PCDHA4: variants seen among roughly 807,000 people sequenced by gnomAD.
The protein encoded by PCDHA4 is protocadherin alpha 4, also known as protocadherin alpha-4.
In PCDHA4, 49 loss-of-function variants were observed where a neutral mutation model predicts 61.4. The observed-to-expected ratio is 0.80, with a 90% CI of 0.63 to 1.01. The LOEUF (loss-of-function observed/expected upper bound fraction) is 1.01. PCDHA4 is among the 50% of genes least tolerant of loss of function. PCDHA4 has a pLI of 0.00. For missense variants in PCDHA4, 1,254 were observed against 1,235.8 expected, an observed-to-expected ratio of 1.01 and a Z score of -0.22; for synonymous variants, 590 against 550.3, an observed-to-expected ratio of 1.07 and a Z score of -1.01.
chr5:140,884,797 T>A, intron 1 of PCDHA4: 1 of 1,276,990 alleles, frequency 7.8e-7, no homozygotes, highest in Non-Finnish European at 1.1e-6. Flanking sequence ...TTATCGAATT[T>A]AACAACTCTG....
chr5:140,822,345 T>C, intron 1 of PCDHA4: 1 of 1,614,154 alleles, frequency 6.2e-7, no homozygotes, highest in Non-Finnish European at 8.5e-7. Flanking sequence ...AAACGAACTT[T>C]TTAGAGCTGG....
At chr5:140,937,981 T>TA (rs1554211927) in intron 1 of PCDHA4, among the ~76,000 whole-genome samples, 2 of 152,254 alleles carry the variant, frequency 1.3e-5, no homozygotes, top group Non-Finnish European at 2.9e-5. Flanking sequence ...ATACTGATTT[T>TA]ATGTTAACTT....
At position 140,842,101 on chromosome 5, in the gene PCDHA4, A is replaced by G; in HGVS notation, c.2385+32529A>G. 6.2e-7 allele frequency: 1 copy of G among 1,613,930 alleles called. No individual in the cohort carries two copies. The highest frequency in any genetic ancestry group is 8.5e-7 in the Non-Finnish European group (1 of 1,179,886). ...TCGAAAACGCAGACAACGGAACAAC[A>G]GTTATCAAACTGAATGCTTCTGATC... is the stretch of plus-strand genomic sequence containing the variant. On this transcript the variant is annotated intron_variant, in intron 1 of 3. Coordinates refer to ENST00000530339, the MANE Select transcript of PCDHA4 (RefSeq NM_018907.4).
At chr5:140,911,066 A>C (rs1166409987) in intron 1 of PCDHA4, among the ~76,000 whole-genome samples, 1 of 152,042 alleles carries the variant, frequency 6.6e-6, no homozygotes, top group Non-Finnish European at 1.5e-5. Flanking sequence ...GTGGGTCCTG[A>C]GGAGAATCAA....
chr5:140,852,752 C>T (rs2042460960), intron 1 of PCDHA4: 1 of 983,598 alleles, frequency 1.0e-6, no homozygotes, highest in Non-Finnish European at 1.2e-6. Context: ...TAAACTTGGA[C>T]CCAGGTATCT....
intron 1 of PCDHA4, chr5:140,842,749 G>A: frequency 1.9e-6 from 3 of 1,595,014 alleles, no homozygotes; most frequent in Non-Finnish European, 1.7e-6. Flanking sequence ...ACATCTTCAC[G>A]GTGTCTGCGC....
Position 140,928,935 on chromosome 5 carries a change from C to G in PCDHA4, c.2386-50014C>G, listed in dbSNP as rs782430427. On this transcript the variant is annotated intron_variant, in intron 1 of 3. Transcript: ENST00000530339. ...CAGGAGGGCAGCTTTCTGCCCAGAA[C>G]TTGTATTTAGTAATTGCCTTGGCTT... The G allele has an allele frequency of 2.5e-6, 4 of 1,613,984 alleles. No individual in the cohort carries two copies. The East Asian group carries it at 8.9e-5, about 36-fold the overall frequency.
chr5:140,877,807 T>C, intron 1 of PCDHA4: 1 of 1,611,556 alleles, frequency 6.2e-7, no homozygotes, highest in Non-Finnish European at 8.5e-7. Context: ...CCTTCAGCTG[T>C]CTCGAGAAGA....
intron 1 of PCDHA4, chr5:140,876,583 C>T: frequency 1.9e-6 from 3 of 1,614,194 alleles, no homozygotes; most frequent in Non-Finnish European, 2.5e-6. Flanking sequence ...CGTCATTGCC[C>T]TGATTAGCGT....
chr5:140,856,019 C>T (rs2043732184), intron 1 of PCDHA4: 1 of 1,551,820 alleles, frequency 6.4e-7, no homozygotes, highest in East Asian at 2.3e-5. Flanking sequence ...ACCGCTGATT[C>T]GTCGATTTGT....
At chr5:140,957,473 GA>G (rs1446179332) in intron 1 of PCDHA4, among the ~76,000 whole-genome samples, 1 of 151,954 alleles carries the variant, frequency 6.6e-6, no homozygotes, top group Non-Finnish European at 1.5e-5. Context: ...GTATGTATAG[GA>G]AAAAACATAG....
At chr5:140,996,752 G>T (rs1454271001) in intron 3 of PCDHA4, among the ~76,000 whole-genome samples, 4 of 152,090 alleles carry the variant, frequency 2.6e-5, no homozygotes, top group African/African-American at 7.2e-5. Context: ...AATTATATCT[G>T]TGCAGGACTA....
intron 1 of PCDHA4, chr5:140,834,122 A>T: frequency 2.3e-6 from 1 of 435,094 alleles, no homozygotes. Flanking sequence ...TTGAAATAAA[A>T]CTTTTCATCT....
intron 1 of PCDHA4, among the ~76,000 whole-genome samples, chr5:140,917,503 T>G (rs1423295268): frequency 6.6e-6 from 1 of 152,208 alleles, no homozygotes; most frequent in African/African-American, 2.4e-5. Flanking sequence ...AGAATGATAT[T>G]TTCTAGGTTT....
At chr5:140,849,062 A>G (rs2040761677) in intron 1 of PCDHA4, 2 of 1,547,906 alleles carry the variant, frequency 1.3e-6, no homozygotes, top group South Asian at 1.1e-5. Context: ...ACCAGCAGGT[A>G]AAACCTCTTG....
chr5:140,994,358 G>A (rs2097616894), intron 3 of PCDHA4, among the ~76,000 whole-genome samples: 1 of 152,162 alleles, frequency 6.6e-6, no homozygotes, highest in Admixed American at 6.5e-5. Flanking sequence ...GACCTCAGAA[G>A]ATGGAATTGG....
At chr5:140,855,628 C>T (rs1199061647) in intron 1 of PCDHA4, among the ~76,000 whole-genome samples, 1 of 149,588 alleles carries the variant, frequency 6.7e-6, no homozygotes, top group Non-Finnish European at 1.5e-5. Flanking sequence ...TTTTGAAATT[C>T]GGCTATTGAT....
Position 141,010,035 on chromosome 5 carries a change from G to A in PCDHA4, c.*98G>A. 7 of 1,582,518 alleles carry A rather than the reference G, an allele frequency of 4.4e-6. No individual in the cohort carries two copies. The South Asian group carries it at 7.1e-5, about 16-fold the overall frequency. ...CTGCTCCTTTTTCCTATCTACATGAGCCCTCTTAGAGACCTCAGAAATCTG... is the reference window on the plus strand; with the variant it reads ...CTGCTCCTTTTTCCTATCTACATGAACCCTCTTAGAGACCTCAGAAATCTG... On this transcript the variant is annotated 3_prime_UTR_variant, in exon 4 of 4. Coordinates refer to ENST00000530339, the MANE Select transcript of PCDHA4 (RefSeq NM_018907.4).
chr5:140,984,164 A>G (rs1471799520), intron 3 of PCDHA4, among the ~76,000 whole-genome samples: 1 of 152,208 alleles, frequency 6.6e-6, no homozygotes, highest in Non-Finnish European at 1.5e-5. Context: ...GAACTTCCCA[A>G]AGAAGCCACG....
Sources: allele counts gnomAD v4.1 joint callset (sites outside exome capture counted in the v4.1 genomes callset), GRCh38; gene constraint gnomAD v4.1.1; transcripts MANE v1.5; gene names NCBI Gene and HGNC (gene_info 2026-07-23, HGNC 2026-07-21).